KCNIP4: variants seen among roughly 807,000 people sequenced by gnomAD.
KCNIP4 encodes potassium voltage-gated channel interacting protein 4, also known as Kv channel-interacting protein 4.
A neutral mutation model predicts 34.0 loss-of-function variants in KCNIP4; 12 were observed. That is an observed-to-expected ratio of 0.35 (90% confidence interval 0.23 to 0.57). The LOEUF (loss-of-function observed/expected upper bound fraction) is 0.57. KCNIP4 is among the 20% of genes least tolerant of loss of function. The pLI is 0.83. For synonymous variants in KCNIP4, 124 were observed against 102.2 expected (o/e 1.21, Z -1.29); for missense variants, 238 against 311.7 (o/e 0.76, Z 1.78).
intron 1 of KCNIP4, among the ~76,000 whole-genome samples, chr4:21,545,426 T>G (rs2109006389): frequency 6.6e-6 from 1 of 152,280 alleles, no homozygotes; most frequent in African/African-American, 2.4e-5. Flanking sequence ...GGGTTACATG[T>G]GCAGAACGTG....
At chr4:21,612,308 T>C (rs762179914) in intron 1 of KCNIP4, among the ~76,000 whole-genome samples, 3 of 152,202 alleles carry the variant, frequency 2.0e-5, no homozygotes, top group East Asian at 1.9e-4. Flanking sequence ...AGTTTTTGTA[T>C]AGAAAACTGG....
chr4:21,542,233 G>A (rs1290793522), intron 1 of KCNIP4, among the ~76,000 whole-genome samples: 3 of 152,050 alleles, frequency 2.0e-5, no homozygotes, highest in South Asian at 2.1e-4. Context: ...ATTCAAAGGC[G>A]ACCCAAAAGT....
intron 1 of KCNIP4, among the ~76,000 whole-genome samples, chr4:21,904,088 C>T (rs1340195474): frequency 6.6e-6 from 1 of 152,088 alleles, no homozygotes; most frequent in African/African-American, 2.4e-5. Context: ...ACAGAAAGGG[C>T]CATGGGTAGT....
chr4:21,621,564 C>T (rs1744999565), intron 1 of KCNIP4, among the ~76,000 whole-genome samples: 2 of 152,054 alleles, frequency 1.3e-5, no homozygotes, highest in South Asian at 4.1e-4. Flanking sequence ...CACCATGTTG[C>T]CCAGGCTGTT....
intron 1 of KCNIP4, among the ~76,000 whole-genome samples, chr4:21,214,810 A>C (rs755050841): frequency 6.6e-5 from 10 of 152,200 alleles, no homozygotes; most frequent in Non-Finnish European, 1.3e-4. Context: ...TATACCATGC[A>C]TAATTCCAGG....
intron 1 of KCNIP4, among the ~76,000 whole-genome samples, chr4:20,920,532 G>C (rs1334634361): frequency 6.6e-6 from 1 of 152,132 alleles, no homozygotes; most frequent in African/African-American, 2.4e-5. Flanking sequence ...TGAAATTTAA[G>C]GTAACTGGGG....
At chr4:20,781,077 C>T (rs1323834169) in intron 3 of KCNIP4, among the ~76,000 whole-genome samples, 1 of 151,984 alleles carries the variant, frequency 6.6e-6, no homozygotes, top group Non-Finnish European at 1.5e-5. Flanking sequence ...CTATCTAACC[C>T]CAGCTACAAG....
At chr4:20,788,727 T>C (rs1712329263) in intron 3 of KCNIP4, among the ~76,000 whole-genome samples, 1 of 152,166 alleles carries the variant, frequency 6.6e-6, no homozygotes, top group African/African-American at 2.4e-5. Flanking sequence ...TGGCCTAGTG[T>C]AATTGTTAAG....
At chr4:21,149,136 G>T (rs1752588620) in intron 1 of KCNIP4, among the ~76,000 whole-genome samples, 1 of 152,158 alleles carries the variant, frequency 6.6e-6, no homozygotes, top group Non-Finnish European at 1.5e-5. Context: ...TATATGAAGA[G>T]AAAGATCTGG....
chr4:21,027,092 A>C (rs1316581484), intron 1 of KCNIP4, among the ~76,000 whole-genome samples: 3 of 152,226 alleles, frequency 2.0e-5, no homozygotes, highest in South Asian at 2.1e-4. Context: ...GTGTGGATAG[A>C]TCAGTTTCTT....
At chr4:21,424,679 A>G (rs1032322566) in intron 1 of KCNIP4, among the ~76,000 whole-genome samples, 3 of 152,232 alleles carry the variant, frequency 2.0e-5, no homozygotes, top group African/African-American at 7.2e-5. Context: ...CTTACAAAAT[A>G]TAAGATTTCT....
rs116127363 is a variant in KCNIP4 at position 20,936,186 on chromosome 4, A to T, written c.62-53477T>A. On this transcript the variant is annotated intron_variant, in intron 1 of 8. Coordinates refer to ENST00000382152, the MANE Select transcript of KCNIP4 (RefSeq NM_025221.6). ...GATCACTACACTTTATAATCTTTTCATAGAAGACAAAGTGGTGGTGAAAGC... is the reference window on the plus strand; with the variant it reads ...GATCACTACACTTTATAATCTTTTCTTAGAAGACAAAGTGGTGGTGAAAGC... 3.6e-3 allele frequency among the ~76,000 whole-genome samples: 541 copies of T among 152,278 alleles called. 1 individual carries two copies. The highest frequency in any genetic ancestry group is 6.4e-3 in the Non-Finnish European group (436 of 68,026).
rs547105431 is a variant in KCNIP4, at chr4:21,167,052, T to C, written c.62-284343A>G. ...TTAGCATTAAAGTGGAATGAAATAT[T>C]GATGTGCACAGCAAAACATCTCAAA... On this transcript the variant is annotated intron_variant, in intron 1 of 8. Transcript: ENST00000382152. Among the ~76,000 whole-genome samples, 4 of 151,926 alleles carry C rather than the reference T, an allele frequency of 2.6e-5. No individual in the cohort carries two copies. In the South Asian group the frequency reaches 6.2e-4, roughly 24 times the overall value.
intron 1 of KCNIP4, chr4:20,984,070 C>T (rs1025462673): frequency 6.0e-6 from 8 of 1,338,578 alleles, no homozygotes; most frequent in African/African-American, 1.5e-5. Flanking sequence ...CCTGCAAAGC[C>T]GGCGGCCCCC....
At chr4:21,855,251 T>C (rs1180365430) in intron 1 of KCNIP4, among the ~76,000 whole-genome samples, 1 of 151,984 alleles carries the variant, frequency 6.6e-6, no homozygotes, top group East Asian at 1.9e-4. Context: ...TACATAAGAG[T>C]TTTTAGTTTA....
chr4:21,787,026 T>A (rs1054218822), intron 1 of KCNIP4, among the ~76,000 whole-genome samples: 3 of 152,116 alleles, frequency 2.0e-5, no homozygotes, highest in Admixed American at 6.5e-5. Context: ...AGTTTGAGCA[T>A]CCCTAATCTG....
intron 1 of KCNIP4, among the ~76,000 whole-genome samples, chr4:21,201,714 G>A (rs904594853): frequency 1.3e-5 from 2 of 152,174 alleles, no homozygotes; most frequent in African/African-American, 4.8e-5. Flanking sequence ...TAGCCAGGAA[G>A]GTTTCGACCT....
At chr4:21,400,300 A>AT (rs748882388) in intron 1 of KCNIP4, among the ~76,000 whole-genome samples, 10 of 152,032 alleles carry the variant, frequency 6.6e-5, no homozygotes, top group Admixed American at 2.6e-4. Context: ...AGACAACAAG[A>AT]TAACTGTAAT....
intron 1 of KCNIP4, among the ~76,000 whole-genome samples, chr4:21,295,095 A>G (rs1160549288): frequency 1.3e-5 from 2 of 152,172 alleles, no homozygotes; most frequent in Non-Finnish European, 2.9e-5. Flanking sequence ...TAAGTGTGGT[A>G]TATATCCCAG....
Sources: allele counts gnomAD v4.1 joint callset (sites outside exome capture counted in the v4.1 genomes callset), GRCh38; gene constraint gnomAD v4.1.1; transcripts MANE v1.5; gene names NCBI Gene and HGNC (gene_info 2026-07-23, HGNC 2026-07-21).